NUP188: variants seen among roughly 807,000 people sequenced by gnomAD.
NUP188 encodes nucleoporin NUP188.
In NUP188, 97 loss-of-function variants were observed where a neutral mutation model predicts 223.0. The observed-to-expected ratio is 0.43, with a 90% CI of 0.37 to 0.51. The LOEUF is 0.51. NUP188 is among the 20% of genes least tolerant of loss of function. The probability of loss-of-function intolerance (pLI) is 0.00; values close to 1 mark genes in which losing one functional copy is unlikely to be tolerated. For missense variants in NUP188, 1,947 were observed against 2,175.6 expected (o/e 0.89, Z 2.09); for synonymous variants, 869 against 828.0 (o/e 1.05, Z -0.85).
intron 25 of NUP188, 88 bp downstream of exon 25, chr9:128,990,314 G>T: frequency 2.0e-6 from 2 of 994,314 alleles, no homozygotes; most frequent in Admixed American, 3.4e-5. Context: ...GCCACGTGCA[G>T]CGGCTTAACG....
In NUP188 at chr9:128,993,190, C is replaced by G; in HGVS notation, c.2641-7C>G. 6.2e-7 allele frequency: 1 copy of G among 1,613,140 alleles called. No individual in the cohort carries two copies. The highest frequency in any genetic ancestry group is 8.5e-7 in the Non-Finnish European group (1 of 1,179,102). Reference sequence around the variant, plus strand: ...GCTCTAAGCCTGTGTGTTCCGGTCTCCACCAGGTGGCCCCAATGTCAGTGT... The same window carrying G: ...GCTCTAAGCCTGTGTGTTCCGGTCTGCACCAGGTGGCCCCAATGTCAGTGT... On this transcript the variant is annotated splice_region_variant and splice_polypyrimidine_tract_variant and intron_variant, in intron 25 of 43. Coordinates refer to ENST00000372577, the MANE Select transcript of NUP188 (RefSeq NM_015354.3).
intron 25 of NUP188, 26 bp downstream of exon 25, chr9:128,990,252 A>G (rs1842396638): frequency 1.3e-6 from 2 of 1,545,500 alleles, no homozygotes; most frequent in Non-Finnish European, 1.8e-6. Context: ...ATGCACACAC[A>G]CTGTTTATAT....
chr9:128,976,994 G>T (rs1433806828), intron 12 of NUP188, among the ~76,000 whole-genome samples: 1 of 151,962 alleles, frequency 6.6e-6, no homozygotes, highest in African/African-American at 2.4e-5. Context: ...AGGATCACTT[G>T]CCTGGGAGAC....
In NUP188 at chr9:129,006,200, C is replaced by T. The variant is rs754983907; in HGVS notation, c.4944-39C>T. 16 of 1,614,096 alleles carry T rather than the reference C, an allele frequency of 9.9e-6. No homozygotes were observed. The South Asian group carries it at 1.1e-4, about 11-fold the overall frequency. ...CTGTTCTCAAGCTTGGCCAGCCTGG[C>T]CCTCTGCAGCAGTACCAAAAACCTG... is the stretch of plus-strand genomic sequence containing the variant. On this transcript the variant is annotated intron_variant, in intron 42 of 43. Coordinates refer to ENST00000372577, the MANE Select transcript of NUP188 (RefSeq NM_015354.3).
chr9:128,948,711 CTTTTTTTTTTTTTTTTTTTT>C (rs56052652), intron 1 of NUP188: 1 of 61,066 alleles, frequency 1.6e-5, no homozygotes, highest in African/African-American at 5.8e-5. Context: ...GTTTTCCCCA[CTTTTTTTTTTTTTTTTTTTT>C]TTTTTTTTTT....
chr9:128,961,085 CAAAA>C (rs561298362), intron 8 of NUP188, among the ~76,000 whole-genome samples: 1 of 41,014 alleles, frequency 2.4e-5, no homozygotes, highest in Admixed American at 2.7e-4. Flanking sequence ...GACTCCGTCT[CAAAA>C]AAAAAAAAAA....
intron 19 of NUP188, among the ~76,000 whole-genome samples, 183 bp from the exon 20 acceptor site, chr9:128,984,717 C>A (rs1842308186): frequency 6.6e-6 from 1 of 152,174 alleles, no homozygotes; most frequent in African/African-American, 2.4e-5. Flanking sequence ...GGTTTTACAT[C>A]AATAAAACAT....
In NUP188 at chr9:128,988,241, T is replaced by A. The variant is rs1842366432; in HGVS notation, c.2533+55T>A. The A allele has an allele frequency of 1.3e-5, 20 of 1,596,798 alleles. No individual in the cohort carries two copies. In the South Asian group the frequency reaches 2.1e-4, roughly 17 times the overall value. ...GTATGTATTTCTCTTCCAGTCATTT[T>A]TGCTCATAAATACGTATCTTAGGCA... On this transcript the variant is annotated intron_variant, in intron 24 of 43. Coordinates refer to ENST00000372577, the MANE Select transcript of NUP188 (RefSeq NM_015354.3).
intron 37 of NUP188, 41 bp from the exon 38 acceptor site, chr9:129,003,276 C>A: frequency 6.3e-7 from 1 of 1,581,692 alleles, no homozygotes; most frequent in Non-Finnish European, 8.5e-7. Flanking sequence ...TCAGGTCCCT[C>A]AGCCATCCCC....
rs1842250331 is a variant in NUP188, at chr9:128,981,281, T to A, written c.1407T>A (p.Asp469Glu). 1 of 1,613,920 alleles carries A rather than the reference T, an allele frequency of 6.2e-7. No homozygotes were observed. The highest frequency in any genetic ancestry group is 8.5e-7 in the Non-Finnish European group (1 of 1,179,898). The part of the protein sequence containing the change: ...STAKKVYSFL[D>E]KMSFYNELYK... ...TTTGGCAGGTGTATAGCTTCTTGGA[T>A]AAGATGTCTTTCTACAATGAACTTT... Residue 469 changes from aspartate to glutamate, a missense_variant, in exon 15 of 44, where the codon GAT (aspartate) becomes GAA (glutamate). Asp to Glu is a conservative substitution (Grantham distance 45, BLOSUM62 2). Around this residue, in one of 3 missense-constraint regions of NUP188, gnomAD observed 817 missense variants for 865.8 expected, o/e 0.94. Transcript: ENST00000372577.
At position 128,999,703 on chromosome 9, in the gene NUP188, C is replaced by T; in HGVS notation, c.3741C>T (p.Asp1247=). Residue 1247 remains aspartate, a synonymous_variant, in exon 34 of 44, where the codon GAC becomes GAT. Coordinates refer to ENST00000372577, the MANE Select transcript of NUP188 (RefSeq NM_015354.3). ...AAGAGGAAGTGATTGCACTCTTCGA[C>T]CAGACCCGCCACAGTCTGGCATTAG... ...TLQEEVIALF[D]QTRHSLALGS... is the part of the protein sequence containing the mutation. 6.2e-7 allele frequency: 1 copy of T among 1,614,056 alleles called. No homozygotes were observed. Among genetic ancestry groups the T allele is most frequent in the Non-Finnish European group, 8.5e-7 (1 of 1,180,030 alleles).
chr9:128,971,511 C>T (rs1406131723), intron 11 of NUP188, among the ~76,000 whole-genome samples: 1 of 152,028 alleles, frequency 6.6e-6, no homozygotes, highest in Non-Finnish European at 1.5e-5. Flanking sequence ...CTCTGCCTCC[C>T]AAGTTCAAGC....
intron 20 of NUP188, chr9:128,985,305 C>T: frequency 3.7e-6 from 1 of 268,438 alleles, no homozygotes; most frequent in Non-Finnish European, 7.0e-6. Context: ...GCTATTTTGA[C>T]AGTAACCTGG....
intron 12 of NUP188, among the ~76,000 whole-genome samples, chr9:128,976,260 C>T (rs999304905): frequency 4.6e-5 from 7 of 152,188 alleles, no homozygotes; most frequent in African/African-American, 1.7e-4. Context: ...ATCCTGAAAA[C>T]TAAATCACTC....
chr9:128,953,003 T>G, intron 3 of NUP188, 157 bp downstream of exon 3: 1 of 589,082 alleles, frequency 1.7e-6, no homozygotes, highest in Non-Finnish European at 3.0e-6. Flanking sequence ...GTACATTTGT[T>G]TTTTTGTTGA....
chr9:128,986,959 C>A, intron 22 of NUP188, 84 bp downstream of exon 22: 2 of 1,250,848 alleles, frequency 1.6e-6, no homozygotes, highest in Non-Finnish European at 2.3e-6. Flanking sequence ...TCAGTTCTTC[C>A]AGAGAATTTA....
At position 129,005,589 on chromosome 9, in the gene NUP188, C is replaced by A. The variant is rs17455461; in HGVS notation, c.4738-56C>A. 6.1e-5 allele frequency: 99 copies of A among 1,610,754 alleles called. No individual in the cohort carries two copies. The African/African-American group carries it at 1.1e-3, about 18-fold the overall frequency. On this transcript the variant is annotated intron_variant, in intron 40 of 43. Transcript: ENST00000372577. Reference sequence around the variant, plus strand: ...CTAAAGGCTCTGCTCTGCTGTGTACCGAGAGCTACCTGGGGCCTTAATTGG... The same window carrying A: ...CTAAAGGCTCTGCTCTGCTGTGTACAGAGAGCTACCTGGGGCCTTAATTGG...
Position 128,990,318 on chromosome 9 carries a change from C to G in NUP188, c.2640+92C>G. 4 of 984,250 alleles carry G rather than the reference C, an allele frequency of 4.1e-6. No individual in the cohort carries two copies. In the South Asian group the frequency reaches 5.2e-5, roughly 13 times the overall value. 61.0% of individuals were successfully genotyped at this position (984,250 alleles called of 1,614,324 possible). A position where few individuals can be genotyped will look rare whatever the true frequency, so the allele number is the denominator to read the frequency against. ...GACATGCTCAGGCCACGTGCAGCGG[C>G]TTAACGCCTGTATATAATTCCAGCA... is the stretch of plus-strand genomic sequence containing the variant. On this transcript the variant is annotated intron_variant, in intron 25 of 43. Coordinates refer to ENST00000372577, the MANE Select transcript of NUP188 (RefSeq NM_015354.3).
intron 34 of NUP188, 132 bp from the exon 35 acceptor site, chr9:129,001,397 C>T: frequency 1.4e-6 from 1 of 726,700 alleles, no homozygotes; most frequent in Non-Finnish European, 2.4e-6. Flanking sequence ...AGTGTGCATT[C>T]TGTGTTACTC....
Sources: allele counts gnomAD v4.1 joint callset (sites outside exome capture counted in the v4.1 genomes callset), GRCh38; gene constraint gnomAD v4.1.1; regional missense constraint gnomAD v4.1.1; transcripts MANE v1.5; gene names NCBI Gene and HGNC (gene_info 2026-07-23, HGNC 2026-07-21).